TMX3: variants seen among roughly 807,000 people sequenced by gnomAD.
TMX3 encodes the protein thioredoxin related transmembrane protein 3, also known as protein disulfide-isomerase TMX3.
A neutral mutation model predicts 64.4 loss-of-function variants in TMX3; 40 were observed. The ratio of observed to expected loss-of-function variants is 0.62; its 90% CI spans 0.48 to 0.81. The LOEUF is 0.81. Among genes scored for constraint, TMX3 ranks in the 30% least tolerant of loss-of-function variants. TMX3 has a pLI of 0.00. For missense variants in TMX3, 497 were observed against 534.5 expected, an observed-to-expected ratio of 0.93 and a Z score of 0.69; for synonymous variants, 189 against 175.7, an observed-to-expected ratio of 1.08 and a Z score of -0.60.
chr18:68,703,610 T>A (rs371328755), intron 4 of TMX3, among the ~76,000 whole-genome samples: 3 of 152,158 alleles, frequency 2.0e-5, no homozygotes, highest in Non-Finnish European at 4.4e-5. Flanking sequence ...ATAATTTTAA[T>A]TGACAGTAAC....
At chr18:68,707,194 C>CT (rs774533164) in intron 4 of TMX3, among the ~76,000 whole-genome samples, 13,787 of 138,328 alleles carry the variant, frequency 0.1, 643 homozygotes, top group East Asian at 0.13. Flanking sequence ...TACAAAGGGA[C>CT]TTTTTTTTTT....
Position 68,675,795 on chromosome 18 carries a change from G to A in TMX3, c.*1138C>T, listed in dbSNP as rs1243070253. The A allele has an allele frequency of 6.6e-6, 1 of 152,130 alleles. No individual in the cohort carries two copies. Among genetic ancestry groups the A allele is most frequent in the Non-Finnish European group, 1.5e-5 (1 of 68,018 alleles). The allele number at this position is 152,130 out of a possible 1,614,324, so 9.4% of individuals were successfully genotyped here. A position where few individuals can be genotyped will look rare whatever the true frequency, so the allele number is the denominator to read the frequency against. ...GAAAGAATTCCTGTATTAGTTTATA[G>A]AAGATGAGAGGTCACTTGACGAAAT... On this transcript the variant is annotated 3_prime_UTR_variant, in exon 16 of 16. Coordinates refer to ENST00000299608, the MANE Select transcript of TMX3 (RefSeq NM_019022.5).
chr18:68,693,333 G>A (rs1000129206), intron 8 of TMX3, among the ~76,000 whole-genome samples: 2 of 152,086 alleles, frequency 1.3e-5, no homozygotes, highest in African/African-American at 4.8e-5. Flanking sequence ...AAGTTCGTGG[G>A]GTGGGAGCCC....
chr18:68,714,154 T>C (rs1599354418), intron 1 of TMX3: 2 of 241,412 alleles, frequency 8.3e-6, no homozygotes, highest in East Asian at 1.6e-4. Flanking sequence ...CAGTTCCTTT[T>C]TCCTCCATAT....
Position 68,681,425 on chromosome 18 carries a change from C to T in TMX3, c.906-315G>A, listed in dbSNP as rs111717964. 9.4e-3 allele frequency: 9,138 copies of T among 970,518 alleles called. 51 individuals are homozygous for T. The highest frequency in any genetic ancestry group is 0.01 in the Non-Finnish European group (8,181 of 814,330). The allele number at this position is 970,518 out of a possible 1,614,324, so 60.1% of individuals were successfully genotyped here. ...CTATGGGTGGTCTGCACAATTCAAACTTATGTTGTTCAACGGTCAACAGTC... is the reference window on the plus strand; with the variant it reads ...CTATGGGTGGTCTGCACAATTCAAATTTATGTTGTTCAACGGTCAACAGTC... On this transcript the variant is annotated intron_variant, in intron 13 of 15. Transcript: ENST00000299608.
At chr18:68,684,513 T>C in intron 10 of TMX3, 28 bp from the exon 11 acceptor site, 1 of 1,590,976 alleles carries the variant, frequency 6.3e-7, no homozygotes, top group Non-Finnish European at 8.6e-7. Context: ...ACATCTGAAT[T>C]CAATCACCCT....
At chr18:68,705,220 C>A (rs916497379) in intron 4 of TMX3, among the ~76,000 whole-genome samples, 12 of 152,056 alleles carry the variant, frequency 7.9e-5, no homozygotes, top group Admixed American at 5.9e-4. Flanking sequence ...CTCCTCCCAT[C>A]CAACTCCCAA....
At chr18:68,714,769 A>C (rs1415596240) in intron 1 of TMX3, among the ~76,000 whole-genome samples, 167 bp downstream of exon 1, 2 of 152,244 alleles carry the variant, frequency 1.3e-5, no homozygotes, top group Non-Finnish European at 2.9e-5. Flanking sequence ...CCGCTCCGTC[A>C]GGGCCAGGCA....
At chr18:68,687,466 C>T in intron 10 of TMX3, 5 of 985,352 alleles carry the variant, frequency 5.1e-6, no homozygotes, top group Non-Finnish European at 6.0e-6. Flanking sequence ...AGTAAACCAT[C>T]TCTTTAATCA....
chr18:68,703,891 C>T (rs2030385611), intron 4 of TMX3, among the ~76,000 whole-genome samples: 1 of 152,056 alleles, frequency 6.6e-6, no homozygotes, highest in African/African-American at 2.4e-5. Context: ...GATGGAGCCA[C>T]AGCACTCCAG....
At chr18:68,696,781 A>T (rs781342439) in intron 8 of TMX3, among the ~76,000 whole-genome samples, 6 of 151,844 alleles carry the variant, frequency 4.0e-5, no homozygotes, top group Admixed American at 2.0e-4. Context: ...CTGGCCTTTA[A>T]TTTGTTTTTT....
Position 68,698,046 on chromosome 18 carries a change from A to C in TMX3, c.393-15T>G, listed in dbSNP as rs1915283587. On this transcript the variant is annotated splice_polypyrimidine_tract_variant and intron_variant, in intron 6 of 15. Coordinates refer to ENST00000299608, the MANE Select transcript of TMX3 (RefSeq NM_019022.5). ...GAATTAGAGCCCTGTTGCACAACAA[A>C]ACAAAAAACAAACTTGAATTATAAA... is the stretch of plus-strand genomic sequence containing the variant. The C allele has an allele frequency of 3.9e-6, 6 of 1,558,236 alleles. No homozygotes were observed. The highest frequency in any genetic ancestry group is 2.2e-5 in the East Asian group (1 of 44,516).
chr18:68,699,218 G>A (rs1055306800), intron 6 of TMX3, among the ~76,000 whole-genome samples: 34 of 152,188 alleles, frequency 2.2e-4, no homozygotes, highest in Middle Eastern at 3.4e-3. Flanking sequence ...CTAAATGTAA[G>A]TGATGCAACT....
At chr18:68,695,684 C>G (rs1914991696) in intron 8 of TMX3, among the ~76,000 whole-genome samples, 1 of 152,206 alleles carries the variant, frequency 6.6e-6, no homozygotes, top group Non-Finnish European at 1.5e-5. Context: ...ACAATCCTTT[C>G]ACTTCTTCCC....
Position 68,713,879 on chromosome 18 carries a change from A to G in TMX3, c.68T>C (p.Val23Ala). 1 of 1,581,768 alleles carries G rather than the reference A, an allele frequency of 6.3e-7. No homozygotes were observed. Among genetic ancestry groups the G allele is most frequent in the South Asian group, 1.1e-5 (1 of 88,348 alleles). The change falls in exon 2 of 16, where the codon GTC becomes GCC. Residue 23 changes from valine to alanine, a missense_variant. By Grantham distance (64) the Val-to-Ala change is moderately conservative. Transcript: ENST00000299608. ...CATVVVLDMVVCKGFVEDLDE... is the reference protein window; with the variant it reads ...CATVVVLDMVACKGFVEDLDE... ...TAAATCTTCTACAAATCCTTTACAGACGACCATATCAAGTACAACAACTGA... is the reference window on the plus strand; with the variant it reads ...TAAATCTTCTACAAATCCTTTACAGGCGACCATATCAAGTACAACAACTGA...
At chr18:68,707,492 C>T (rs1045637340) in intron 4 of TMX3, among the ~76,000 whole-genome samples, 4 of 152,124 alleles carry the variant, frequency 2.6e-5, no homozygotes, top group African/African-American at 9.7e-5. Flanking sequence ...ACTGAATAAA[C>T]TAATGAATTA....
chr18:68,698,884 T>TGGTAGCGGGCGCGGTAGCGGGCGC, intron 6 of TMX3, among the ~76,000 whole-genome samples: 1 of 149,672 alleles, frequency 6.7e-6, no homozygotes, highest in South Asian at 2.1e-4. Context: ...TAGCCGGGCG[T>TGGTAGCGGGCGCGGTAGCGGGCGC]GGTAGCGGGC....
At chr18:68,702,062 AC>A (rs1191783631) in intron 4 of TMX3, among the ~76,000 whole-genome samples, 2 of 150,732 alleles carry the variant, frequency 1.3e-5, no homozygotes, top group South Asian at 2.1e-4. Flanking sequence ...TTTATAAAAT[AC>A]TTATTTTAAA....
At chr18:68,701,061 C>A (rs1380972074) in intron 5 of TMX3, 1 of 962,780 alleles carries the variant, frequency 1.0e-6, no homozygotes, top group African/African-American at 1.8e-5. Flanking sequence ...AGAATACCTA[C>A]AATTAAACAG....
Sources: allele counts gnomAD v4.1 joint callset (sites outside exome capture counted in the v4.1 genomes callset), GRCh38; gene constraint gnomAD v4.1.1; transcripts MANE v1.5; gene names NCBI Gene and HGNC (gene_info 2026-07-23, HGNC 2026-07-21).